Variants in UMAD1 observed in about 807,000 individuals in gnomAD.
UMAD1 encodes the protein UBAP1-MVB12-associated (UMA) domain containing 1.
Under a neutral mutation model 6.1 loss-of-function variants are expected in UMAD1, and 8 were observed. The ratio of observed to expected loss-of-function variants is 1.30; its 90% CI spans 0.76 to 2.35. The LOEUF (loss-of-function observed/expected upper bound fraction) is 2.35, where lower values mean the gene tolerates loss of function less well. Among genes scored for constraint, UMAD1 ranks in the 30% most tolerant of loss-of-function variants. UMAD1 has a pLI of 0.00. For missense variants in UMAD1, 130 were observed against 78.4 expected (o/e 1.66, Z -2.49); for synonymous variants, 56 against 31.4 (o/e 1.78, Z -2.61).
In UMAD1 at chr7:7,759,983, G is replaced by T. The variant is rs113877598; in HGVS notation, c.83-41687G>T. Among the ~76,000 whole-genome samples the T allele has an allele frequency of 4.6e-5, 7 of 152,194 alleles. 1 individual carries two copies. Among genetic ancestry groups the T allele is most frequent in the African/African-American group, 1.7e-4 (7 of 41,524 alleles). ...GCCCCCTCCTCTTGAATCTAGACGA[G>T]CTGATGACTGCCTCAGTCAATAGAA... On this transcript the variant is annotated intron_variant, in intron 2 of 3. Coordinates refer to ENST00000682710, the MANE Select transcript of UMAD1 (RefSeq NM_001302348.2).
intron 3 of UMAD1, among the ~76,000 whole-genome samples, chr7:7,861,933 A>C (rs767549186): frequency 6.6e-6 from 1 of 152,228 alleles, no homozygotes; most frequent in Non-Finnish European, 1.5e-5. Context: ...GCAGCAGAAC[A>C]GATTAGTTTT....
At chr7:7,684,575 T>G (rs6958226) in intron 2 of UMAD1, among the ~76,000 whole-genome samples, 366 of 152,284 alleles carry the variant, frequency 2.4e-3, no homozygotes, top group African/African-American at 8.5e-3. Flanking sequence ...CATGAGGAAC[T>G]CATGGATACG....
rs1190292068 is a variant in UMAD1 at position 7,847,087 on chromosome 7, CAAAAAAAAAAAA to C, written c.157-30187_157-30176del. On this transcript the variant is annotated intron_variant, in intron 3 of 3. Coordinates refer to ENST00000682710, the MANE Select transcript of UMAD1 (RefSeq NM_001302348.2). ...AAAAAAAAAAAAAAAGACAGCAATG[CAAAAAAAAAAAA>C]AAAAAATATATATATATATATATAT... is the stretch of plus-strand genomic sequence containing the variant. Among the ~76,000 whole-genome samples the C allele has an allele frequency of 6.4e-3, 40 of 6,272 alleles. 2 individuals carry two copies. Among genetic ancestry groups the C allele is most frequent in the African/African-American group, 0.034 (35 of 1,022 alleles). 4.1% of individuals were successfully genotyped at this position (6,272 alleles called of 152,430 possible).
intron 2 of UMAD1, among the ~76,000 whole-genome samples, chr7:7,787,612 A>G (rs1782485168): frequency 6.6e-6 from 1 of 152,150 alleles, no homozygotes; most frequent in Non-Finnish European, 1.5e-5. Context: ...GAACCCAGTA[A>G]AATCTCTTTT....
intron 2 of UMAD1, among the ~76,000 whole-genome samples, chr7:7,733,439 GA>G (rs1179242246): frequency 1.3e-5 from 2 of 151,654 alleles, no homozygotes; most frequent in African/African-American, 4.8e-5. Flanking sequence ...TCATATTCCT[GA>G]TTGAAGGAAT....
intron 2 of UMAD1, among the ~76,000 whole-genome samples, chr7:7,784,118 G>T (rs1198884921): frequency 6.6e-6 from 1 of 151,282 alleles, no homozygotes; most frequent in Non-Finnish European, 1.5e-5. Context: ...ACTGTAGACA[G>T]ACTTTAGTTT....
chr7:7,848,006 A>G (rs1381488733), intron 3 of UMAD1, among the ~76,000 whole-genome samples: 1 of 152,216 alleles, frequency 6.6e-6, no homozygotes, highest in African/African-American at 2.4e-5. Flanking sequence ...AATTAAGCCA[A>G]TGAGGAATTT....
chr7:7,870,521 T>G (rs763624367), intron 3 of UMAD1, among the ~76,000 whole-genome samples: 29 of 152,196 alleles, frequency 1.9e-4, no homozygotes, highest in Non-Finnish European at 4.0e-4. Flanking sequence ...CATTTTATTA[T>G]GCAAATGAAA....
In UMAD1 at chr7:7,770,728, A is replaced by G. The variant is rs1782083448; in HGVS notation, c.83-30942A>G. 2.0e-5 allele frequency among the ~76,000 whole-genome samples: 3 copies of G among 152,136 alleles called. No homozygotes were observed. The South Asian group carries it at 6.2e-4, about 32-fold the overall frequency. ...GAGAAAGTACAGAATGAGGAGGTGC[A>G]CATGTACCCTAAAACTTAAAGTATA... On this transcript the variant is annotated intron_variant, in intron 2 of 3. Transcript: ENST00000682710.
At chr7:7,770,224 T>TA (rs749987782) in intron 2 of UMAD1, among the ~76,000 whole-genome samples, 47 of 152,234 alleles carry the variant, frequency 3.1e-4, no homozygotes, top group South Asian at 4.2e-4. Context: ...TATTCAAACT[T>TA]ACCTTCATCA....
At chr7:7,771,645 C>T (rs1782103837) in intron 2 of UMAD1, among the ~76,000 whole-genome samples, 1 of 152,176 alleles carries the variant, frequency 6.6e-6, no homozygotes, top group Non-Finnish European at 1.5e-5. Context: ...CTGTTCTAAA[C>T]TAGATTATAT....
At chr7:7,815,840 G>T (rs1294216120) in intron 3 of UMAD1, among the ~76,000 whole-genome samples, 1 of 152,112 alleles carries the variant, frequency 6.6e-6, no homozygotes, top group Non-Finnish European at 1.5e-5. Flanking sequence ...TGAATATTGG[G>T]TAGGCTACAA....
intron 1 of UMAD1, among the ~76,000 whole-genome samples, chr7:7,666,552 G>A (rs1438180382): frequency 1.3e-5 from 2 of 151,970 alleles, no homozygotes; most frequent in Non-Finnish European, 2.9e-5. Flanking sequence ...GGTATATAAT[G>A]GTATCTCATT....
intron 3 of UMAD1, among the ~76,000 whole-genome samples, chr7:7,838,629 C>G (rs1038420333): frequency 6.6e-6 from 1 of 152,104 alleles, no homozygotes; most frequent in Non-Finnish European, 1.5e-5. Context: ...CTCTTGTACA[C>G]TGATAGACAT....
chr7:7,847,751 A>G (rs1783835593), intron 3 of UMAD1, among the ~76,000 whole-genome samples: 1 of 152,052 alleles, frequency 6.6e-6, no homozygotes, highest in African/African-American at 2.4e-5. Flanking sequence ...AAGCCTTGCT[A>G]TGTTGCCCAG....
chr7:7,809,856 G>T (rs73357481), intron 3 of UMAD1, among the ~76,000 whole-genome samples: 1 of 152,004 alleles, frequency 6.6e-6, no homozygotes, highest in Admixed American at 6.6e-5. Flanking sequence ...GTAGGGACGC[G>T]TTTCCTTGTT....
chr7:7,877,183 CA>C, intron 3 of UMAD1, 97 bp from the exon 4 acceptor site: 2 of 632,102 alleles, frequency 3.2e-6, no homozygotes, highest in Non-Finnish European at 5.8e-6. Flanking sequence ...TTATATAGCC[CA>C]CATTGCTCAA....
intron 2 of UMAD1, among the ~76,000 whole-genome samples, chr7:7,761,499 G>A (rs894032745): frequency 3.3e-5 from 5 of 152,164 alleles, no homozygotes; most frequent in African/African-American, 1.2e-4. Context: ...TGGTTTCAAT[G>A]CTCCTCTCCT....
At chr7:7,643,857 A>T (rs1158270128) in intron 1 of UMAD1, among the ~76,000 whole-genome samples, 1 of 152,140 alleles carries the variant, frequency 6.6e-6, no homozygotes, top group African/African-American at 2.4e-5. Flanking sequence ...TTTTAAAGTA[A>T]ACTTCCATTC....
Sources: gnomAD v4.1 joint callset for allele counts (sites outside exome capture counted in the v4.1 genomes callset) on GRCh38, gnomAD v4.1.1 for gene constraint, MANE v1.5 for transcripts, NCBI Gene and HGNC (gene_info 2026-07-23, HGNC 2026-07-21) for gene names.